Variants in C12orf54 observed in about 807,000 individuals in gnomAD.
The protein encoded by C12orf54 is uncharacterized protein C12orf54.
C12orf54 carries 24 observed loss-of-function variants against 26.4 expected under a neutral mutation model. That is an observed-to-expected ratio of 0.91 (90% CI 0.66 to 1.28). The LOEUF (loss-of-function observed/expected upper bound fraction) is 1.28, where lower values mean the gene tolerates loss of function less well. C12orf54 is among the 50% of genes most tolerant of loss of function. C12orf54 has a pLI of 0.00. For missense variants in C12orf54, 154 were observed against 150.9 expected (o/e 1.02, Z -0.11); for synonymous variants, 54 against 47.0 (o/e 1.15, Z -0.61).
upstream of C12orf54, among the ~76,000 whole-genome samples, chr12:48,478,749 A>G (rs1263563870): frequency 6.6e-6 from 1 of 151,912 alleles, no homozygotes; most frequent in Non-Finnish European, 1.5e-5. Context: ...TATGCAGCCA[A>G]AAAACACATG....
At chr12:48,435,869 G>A in the C12orf54 span, among the ~76,000 whole-genome samples, 1 of 152,230 alleles carries the variant, frequency 6.6e-6, no homozygotes, top group East Asian at 1.9e-4. Context: ...AAAATAACCA[G>A]CTAACATCAT....
the C12orf54 span, among the ~76,000 whole-genome samples, chr12:48,464,566 T>C: frequency 1.3e-5 from 2 of 151,710 alleles, no homozygotes; most frequent in African/African-American, 4.8e-5. Flanking sequence ...ATAGAAAAAA[T>C]GGTTTTAAAA....
At chr12:48,445,519 G>A in the C12orf54 span, among the ~76,000 whole-genome samples, 1 of 152,178 alleles carries the variant, frequency 6.6e-6, no homozygotes, top group African/African-American at 2.4e-5. Context: ...GAGTCACAAA[G>A]TGCCCAGAGT....
the C12orf54 span, among the ~76,000 whole-genome samples, chr12:48,475,380 A>C: frequency 2.0e-5 from 3 of 152,232 alleles, no homozygotes; most frequent in African/African-American, 7.2e-5. Flanking sequence ...CAGCAACAGA[A>C]CAAAGCTGGA....
the C12orf54 span, among the ~76,000 whole-genome samples, chr12:48,416,308 G>A: frequency 7.1e-4 from 108 of 152,200 alleles, no homozygotes; most frequent in Non-Finnish European, 8.8e-4. Context: ...ATCTGACTGC[G>A]GACAGCCTTT....
upstream of C12orf54, among the ~76,000 whole-genome samples, chr12:48,481,779 C>T (rs759405673): frequency 1.1e-4 from 16 of 152,184 alleles, no homozygotes; most frequent in South Asian, 4.1e-4. Context: ...CAGGTCCTGT[C>T]TGCCTAAACA....
the C12orf54 span, among the ~76,000 whole-genome samples, chr12:48,424,698 C>G: frequency 1.3e-5 from 2 of 152,126 alleles, no homozygotes; most frequent in Non-Finnish European, 2.9e-5. Context: ...CAATTTCACT[C>G]ATAGGCATTT....
chr12:48,478,355 T>C (rs1450624987), upstream of C12orf54, among the ~76,000 whole-genome samples: 2 of 152,150 alleles, frequency 1.3e-5, no homozygotes, highest in Non-Finnish European at 2.9e-5. Flanking sequence ...GGATGCCCTC[T>C]CTCACCACTC....
At chr12:48,484,635 G>A (rs1171623123) in intron 2 of C12orf54, among the ~76,000 whole-genome samples, 5 of 152,294 alleles carry the variant, frequency 3.3e-5, no homozygotes, top group African/African-American at 1.2e-4. Context: ...TTATAGGTGA[G>A]GAAACAAGCT....
the C12orf54 span, among the ~76,000 whole-genome samples, chr12:48,468,051 A>G: frequency 1.3e-5 from 2 of 152,188 alleles, no homozygotes; most frequent in Admixed American, 6.6e-5. Flanking sequence ...TTTTTCAAAT[A>G]TAGTTCTTGG....
At chr12:48,456,833 A>G in the C12orf54 span, among the ~76,000 whole-genome samples, 22 of 152,270 alleles carry the variant, frequency 1.4e-4, no homozygotes, top group African/African-American at 5.1e-4. Context: ...AACCACATTA[A>G]ATGCACACAT....
the C12orf54 span, chr12:48,442,662 T>C: frequency 5.8e-6 from 1 of 171,350 alleles, no homozygotes; most frequent in South Asian, 1.4e-4. Flanking sequence ...ACCTAAGCCA[T>C]GCAGCCCTCT....
chr12:48,472,507 T>A, the C12orf54 span, among the ~76,000 whole-genome samples: 1 of 152,206 alleles, frequency 6.6e-6, no homozygotes, highest in Non-Finnish European at 1.5e-5. Context: ...CAATTTAATG[T>A]GATGGGAGAT....
the C12orf54 span, among the ~76,000 whole-genome samples, chr12:48,437,022 G>GAAGAA: frequency 0.82 from 123,799 of 150,658 alleles, 51,131 homozygotes; most frequent in East Asian, 0.87. Context: ...GACTAATAAA[G>GAAGAA]AAGAGAGAAG....
intron 7 of C12orf54, among the ~76,000 whole-genome samples, chr12:48,493,213 A>T (rs1349526304): frequency 6.6e-6 from 1 of 152,162 alleles, no homozygotes; most frequent in African/African-American, 2.4e-5. Context: ...AATCCCTGAA[A>T]TCTCAGAATC....
the C12orf54 span, among the ~76,000 whole-genome samples, chr12:48,458,120 G>T: frequency 8.5e-5 from 13 of 152,208 alleles, no homozygotes; most frequent in African/African-American, 2.7e-4. Flanking sequence ...CTTCCTCTCA[G>T]CAGAAATATC....
At chr12:48,495,224 G>T (rs955210440) in intron 8 of C12orf54, among the ~76,000 whole-genome samples, 1 of 152,112 alleles carries the variant, frequency 6.6e-6, no homozygotes, top group African/African-American at 2.4e-5. Context: ...TTTTATACAA[G>T]GATCAAAACA....
chr12:48,427,284 T>C, the C12orf54 span, among the ~76,000 whole-genome samples: 3 of 152,158 alleles, frequency 2.0e-5, no homozygotes, highest in Admixed American at 2.0e-4. Context: ...GTTTTTAACA[T>C]GAAGAAATTC....
the C12orf54 span, among the ~76,000 whole-genome samples, chr12:48,462,191 TCAA>T: frequency 0.13 from 18,994 of 151,496 alleles, 1,574 homozygotes; most frequent in Non-Finnish European, 0.2. Context: ...TAAAGCTCAC[TCAA>T]GAAGAAATAG....
Sources: gnomAD v4.1 joint callset for allele counts (sites outside exome capture counted in the v4.1 genomes callset) on GRCh38, gnomAD v4.1.1 for gene constraint, MANE v1.5 for transcripts, NCBI Gene and HGNC (gene_info 2026-07-23, HGNC 2026-07-21) for gene names.